FMN1: variants seen among roughly 807,000 people sequenced by gnomAD.
The protein encoded by FMN1 is formin 1.
A neutral mutation model predicts 132.4 loss-of-function variants in FMN1; 110 were observed. The observed-to-expected ratio is 0.83, with a 90% CI of 0.71 to 0.97. FMN1 has a LOEUF of 0.97. FMN1 is among the 50% of genes least tolerant of loss of function. FMN1 has a pLI of 0.00. For missense variants in FMN1, 1,792 were observed against 1,705.3 expected (o/e 1.05, Z -0.90); for synonymous variants, 722 against 651.7 (o/e 1.11, Z -1.64).
Position 33,116,260 on chromosome 15 carries a change from C to A in FMN1, c.1868-27286G>T, listed in dbSNP as rs757631558. On this transcript the variant is annotated intron_variant, in intron 4 of 20. Transcript: ENST00000616417. ...GCATAATGTTCTACTTTCCTTTATACCTGTTTATAAAACTCTTTTAAAGTA... is the reference window on the plus strand; with the variant it reads ...GCATAATGTTCTACTTTCCTTTATAACTGTTTATAAAACTCTTTTAAAGTA... Among the ~76,000 whole-genome samples the A allele has an allele frequency of 6.6e-5, 10 of 152,242 alleles. No individual in the cohort carries two copies. The East Asian group carries it at 9.7e-4, about 15-fold the overall frequency.
At chr15:32,824,929 T>A (rs1024189229) in intron 17 of FMN1, among the ~76,000 whole-genome samples, 1 of 152,242 alleles carries the variant, frequency 6.6e-6, no homozygotes, top group Non-Finnish European at 1.5e-5. Flanking sequence ...TTCCCTGAAT[T>A]GTCTACCATA....
chr15:33,104,894 C>T (rs1246878976), intron 4 of FMN1, among the ~76,000 whole-genome samples: 1 of 152,056 alleles, frequency 6.6e-6, no homozygotes, highest in Non-Finnish European at 1.5e-5. Flanking sequence ...ATATTTGCAC[C>T]ATCCAAAGAA....
chr15:32,956,582 A>G (rs191326092), intron 9 of FMN1, among the ~76,000 whole-genome samples: 240 of 152,278 alleles, frequency 1.6e-3, no homozygotes, highest in Non-Finnish European at 2.9e-3. Flanking sequence ...ACAGAGCGCT[A>G]GTTTAGGCCC....
intron 9 of FMN1, among the ~76,000 whole-genome samples, chr15:32,958,765 G>A (rs2030143798): frequency 1.3e-5 from 2 of 152,146 alleles, no homozygotes; most frequent in African/African-American, 4.8e-5. Flanking sequence ...TTCATGGCTG[G>A]GTGCAGTGGC....
At chr15:32,873,108 T>TA (rs1219243064) in intron 16 of FMN1, among the ~76,000 whole-genome samples, 2 of 152,186 alleles carry the variant, frequency 1.3e-5, no homozygotes, top group Non-Finnish European at 2.9e-5. Context: ...CTCAGACATT[T>TA]AAAAAAATCC....
intron 6 of FMN1, among the ~76,000 whole-genome samples, chr15:33,035,311 G>A (rs985392108): frequency 3.9e-5 from 6 of 152,066 alleles, no homozygotes; most frequent in African/African-American, 7.2e-5. Context: ...TATTCATGAT[G>A]GAGGAAAATG....
At chr15:33,018,160 A>C (rs1323310481) in intron 6 of FMN1, among the ~76,000 whole-genome samples, 1 of 152,176 alleles carries the variant, frequency 6.6e-6, no homozygotes, top group African/African-American at 2.4e-5. Context: ...TCAGGTCATG[A>C]AGGCAGAGCC....
chr15:32,846,238 A>G (rs908722074), intron 17 of FMN1, among the ~76,000 whole-genome samples: 4 of 152,198 alleles, frequency 2.6e-5, no homozygotes, highest in African/African-American at 9.7e-5. Context: ...TGCTTAATCT[A>G]ATTAAACTAA....
At chr15:33,007,863 T>G (rs1026297133) in intron 7 of FMN1, 151 bp downstream of exon 7, 1 of 509,714 alleles carries the variant, frequency 2.0e-6, no homozygotes, top group African/African-American at 1.9e-5. Flanking sequence ...AGACTTTTCA[T>G]TCCCTGTATA....
chr15:32,876,842 C>T lies in FMN1; in HGVS notation c.3835+11330G>A, dbSNP rs1211112692. On this transcript the variant is annotated intron_variant, in intron 16 of 20. Coordinates refer to ENST00000616417, the MANE Select transcript of FMN1 (RefSeq NM_001277313.2). ...CATAATTCAAGTAAAAGCTTCATCCCTGCATCAGAATACAGACAAAGGATA... is the reference window on the plus strand; with the variant it reads ...CATAATTCAAGTAAAAGCTTCATCCTTGCATCAGAATACAGACAAAGGATA... Among the ~76,000 whole-genome samples, 5 of 152,194 alleles carry T rather than the reference C, an allele frequency of 3.3e-5. No homozygotes were observed. The East Asian group carries it at 9.6e-4, about 29-fold the overall frequency.
intron 20 of FMN1, among the ~76,000 whole-genome samples, chr15:32,775,106 T>C (rs1275538036): frequency 1.3e-5 from 2 of 152,196 alleles, no homozygotes; most frequent in South Asian, 2.1e-4. Flanking sequence ...TCTTTTGGAA[T>C]GAGCAGATGC....
At chr15:32,930,980 T>C (rs2061101677) in intron 9 of FMN1, among the ~76,000 whole-genome samples, 1 of 152,166 alleles carries the variant, frequency 6.6e-6, no homozygotes, top group Admixed American at 6.6e-5. Context: ...CTTGGCACCC[T>C]TGTCAAAGAA....
At chr15:33,018,048 G>C (rs1014921875) in intron 6 of FMN1, among the ~76,000 whole-genome samples, 1 of 144,530 alleles carries the variant, frequency 6.9e-6, no homozygotes, top group African/African-American at 2.6e-5. Context: ...CTGGGCAACA[G>C]AGCGACACTA....
intron 6 of FMN1, among the ~76,000 whole-genome samples, chr15:33,025,813 TTAGAA>T (rs2035637970): frequency 6.6e-6 from 1 of 152,100 alleles, no homozygotes; most frequent in Admixed American, 6.6e-5. Flanking sequence ...CTTAGCTAAG[TTAGAA>T]TAGAAGAGAA....
At chr15:32,917,524 T>G (rs2060712928) in intron 10 of FMN1, among the ~76,000 whole-genome samples, 1 of 152,198 alleles carries the variant, frequency 6.6e-6, no homozygotes, top group South Asian at 2.1e-4. Context: ...ATTGGCAGCT[T>G]CCTCTGTACC....
At chr15:32,962,620 T>G (rs943952644) in intron 9 of FMN1, among the ~76,000 whole-genome samples, 23 of 151,044 alleles carry the variant, frequency 1.5e-4, no homozygotes, top group Non-Finnish European at 4.4e-5. Context: ...ATCCAGAATC[T>G]ACAATAAACT....
intron 4 of FMN1, among the ~76,000 whole-genome samples, chr15:33,089,238 C>T (rs570221890): frequency 2.6e-5 from 4 of 152,296 alleles, no homozygotes; most frequent in Admixed American, 6.5e-5. Flanking sequence ...TTACAGGTTG[C>T]ATGGGTCATT....
chr15:32,964,659 C>T (rs936364234), intron 8 of FMN1, among the ~76,000 whole-genome samples: 3 of 152,148 alleles, frequency 2.0e-5, no homozygotes, highest in African/African-American at 7.2e-5. Context: ...CTGTGACAGG[C>T]TAATTCTGAA....
Position 32,972,302 on chromosome 15 carries a change from A to G in FMN1, c.2224-2825T>C, listed in dbSNP as rs547260192. On this transcript the variant is annotated intron_variant, in intron 7 of 20. Coordinates refer to ENST00000616417, the MANE Select transcript of FMN1 (RefSeq NM_001277313.2). ...CTATGCTTCTAAAGCAAAAATAGAC[A>G]TACCAAAATCCTTCTTAAATTCCTT... Among the ~76,000 whole-genome samples the G allele has an allele frequency of 8.5e-5, 13 of 152,318 alleles. 1 individual carries two copies. Among genetic ancestry groups the G allele is most frequent in the Admixed American group, 6.5e-4 (10 of 15,302 alleles).
Sources: gnomAD v4.1 joint callset for allele counts (sites outside exome capture counted in the v4.1 genomes callset) on GRCh38, gnomAD v4.1.1 for gene constraint, MANE v1.5 for transcripts, NCBI Gene and HGNC (gene_info 2026-07-23, HGNC 2026-07-21) for gene names.